Variants in ESPL1 observed in about 807,000 individuals in gnomAD.
The protein encoded by ESPL1 is extra spindle pole bodies like 1, separase, also known as separin.
A neutral mutation model predicts 217.2 loss-of-function variants in ESPL1; 50 were observed. That is an observed-to-expected ratio of 0.23 (90% CI 0.18 to 0.29). The LOEUF (loss-of-function observed/expected upper bound fraction) is 0.29. Among genes scored for constraint, ESPL1 ranks in the 10% least tolerant of loss-of-function variants. The pLI is 1.00. For synonymous variants in ESPL1, 994 were observed against 1,081.3 expected (o/e 0.92, Z 1.58); for missense variants, 1,834 against 2,603.0 (o/e 0.70, Z 6.43).
chr12:53,274,610 G>A, intron 6 of ESPL1: 1 of 529,984 alleles, frequency 1.9e-6, no homozygotes, highest in Non-Finnish European at 3.4e-6. Flanking sequence ...GAACATAGGG[G>A]TGGAGTGGAT....
Position 53,277,247 on chromosome 12 carries a change from G to A in ESPL1, c.2085+20G>A. Reference sequence around the variant, plus strand: ...CAGGAAGTGAGTGTGGCTGCTGTGGGGCTCACCAGAACTGGGTGTAGGAAT... The same window carrying A: ...CAGGAAGTGAGTGTGGCTGCTGTGGAGCTCACCAGAACTGGGTGTAGGAAT... On this transcript the variant is annotated intron_variant, in intron 9 of 30. Transcript: ENST00000257934. The A allele has an allele frequency of 6.2e-7, 1 of 1,600,592 alleles. No individual in the cohort carries two copies. The highest frequency in any genetic ancestry group is 1.1e-5 in the South Asian group (1 of 90,634).
At chr12:53,279,898 G>T (rs762480238) in intron 12 of ESPL1, 32 bp downstream of exon 12, 1 of 1,522,850 alleles carries the variant, frequency 6.6e-7, no homozygotes, top group Non-Finnish European at 8.8e-7. Flanking sequence ...TCTGGGGACT[G>T]CAGGGGGCCC....
intron 22 of ESPL1, 35 bp downstream of exon 22, chr12:53,289,629 C>G: frequency 1.3e-6 from 2 of 1,571,930 alleles, no homozygotes; most frequent in Non-Finnish European, 1.7e-6. Context: ...CTCCTCTGTC[C>G]TCTTCTGCAT....
chr12:53,271,324 C>T (rs577781107), intron 5 of ESPL1, among the ~76,000 whole-genome samples: 4 of 151,272 alleles, frequency 2.6e-5, no homozygotes, highest in African/African-American at 7.3e-5. Flanking sequence ...CAGGTTCAAG[C>T]GACTCTCCTG....
Position 53,293,347 on chromosome 12 carries a change from G to A in ESPL1, c.6236G>A (p.Gly2079Asp). The stretch of plus-strand genomic sequence containing the variant: ...CGCTACACGGAAGCTCTGCTGCAAG[G>A]CTGGCTTGGAGCAGGCCCAGGGGCC... Reference protein sequence around the residue: ...IDRYTEALLQGWLGAGPGAPL... With the variant: ...IDRYTEALLQDWLGAGPGAPL... Residue 2079 changes from glycine (G) to aspartate (D), a missense_variant, in exon 31 of 31, where the codon GGC becomes GAC. This residue lies in a region of ESPL1 where 295 missense variants were observed against 519.8 expected (regional missense o/e 0.57). Transcript: ENST00000257934. The surrounding 1 kb of genome is among the most constrained non-coding windows in gnomAD (Gnocchi z 4.2). 1 of 1,614,034 alleles carries A rather than the reference G, an allele frequency of 6.2e-7. No individual in the cohort carries two copies. Among genetic ancestry groups the A allele is most frequent in the Non-Finnish European group, 8.5e-7 (1 of 1,179,904 alleles).
At position 53,276,778 on chromosome 12, in the gene ESPL1, C is replaced by T; in HGVS notation, c.1859C>T (p.Ala620Val). 1 of 1,613,938 alleles carries T rather than the reference C, an allele frequency of 6.2e-7. No individual in the cohort carries two copies. The change falls in exon 8 of 31, where the codon GCC (alanine) becomes GTC (valine). Residue 620 changes from alanine (A) to valine (V), a missense_variant. By Grantham distance (64) the Ala-to-Val change is moderately conservative. Transcript: ENST00000257934. Reference sequence around the variant, plus strand: ...GAGCTGAGCCCCGAGGAGACACCAGCCGGGGCCTGGGCACGAGCCACCCAC... The same window carrying T: ...GAGCTGAGCCCCGAGGAGACACCAGTCGGGGCCTGGGCACGAGCCACCCAC... ...LLELSPEETPAGAWARATHLV... is the reference protein window; with the variant it reads ...LLELSPEETPVGAWARATHLV...
rs1195559676 is a variant in ESPL1, at chr12:53,271,075, AT to A, written c.1369+284del. ...ATGCAACCTTATGACCTTTCAACAT[AT>A]TTTTTTATTTCTATATTTTTTAATG... On this transcript the variant is annotated intron_variant, in intron 5 of 30. Coordinates refer to ENST00000257934, the MANE Select transcript of ESPL1 (RefSeq NM_012291.5). Among the ~76,000 whole-genome samples, 4 of 136,290 alleles carry A rather than the reference AT, an allele frequency of 2.9e-5. No homozygotes were observed. In the East Asian group the frequency reaches 6.8e-4, roughly 23 times the overall value. 89.4% of individuals were successfully genotyped at this position (136,290 alleles called of 152,430 possible).
In ESPL1 at chr12:53,279,921, G is replaced by A. The variant is rs985754877; in HGVS notation, c.2499+55G>A. On this transcript the variant is annotated intron_variant, in intron 12 of 30. Transcript: ENST00000257934. ...CTGCAGGGGGCCCGTAGCTTTAGAG[G>A]CCCACCTCTGAGAAGACAGGATATC... 2.7e-6 allele frequency: 4 copies of A among 1,492,152 alleles called. No homozygotes were observed. In the African/African-American group the frequency reaches 4.3e-5, roughly 16 times the overall value. 92.4% of individuals were successfully genotyped at this position (1,492,152 alleles called of 1,614,324 possible). A position where few individuals can be genotyped will look rare whatever the true frequency, so the allele number is the denominator to read the frequency against.
intron 14 of ESPL1, 42 bp from the exon 15 acceptor site, chr12:53,283,087 T>A: frequency 1.2e-6 from 2 of 1,612,898 alleles, no homozygotes; most frequent in Non-Finnish European, 1.7e-6. Context: ...AGTGGTGAAG[T>A]TCTGGCTGCA....
In ESPL1 at chr12:53,292,322, T is replaced by G; in HGVS notation, c.5841T>G (p.Ser1947Arg). 1.2e-6 allele frequency: 2 copies of G among 1,614,056 alleles called. No individual in the cohort carries two copies. Among genetic ancestry groups the G allele is most frequent in the Non-Finnish European group, 1.7e-6 (2 of 1,179,992 alleles). ...TGAGTCAAGGGGTGGATCCACGAAG[T>G]ACCTTCTATGTCCTGAACCCTCACA... The part of the protein sequence containing the change: ...PVLSQGVDPR[S>R]TFYVLNPHNN... Residue 1947 changes from serine (S) to arginine (R), a missense_variant, in exon 28 of 31, where the codon AGT (serine) becomes AGG (arginine). Around this residue, in one of 5 missense-constraint regions of ESPL1, gnomAD observed 295 missense variants for 519.8 expected, o/e 0.57. Transcript: ENST00000257934. This position sits in a 1 kb window ranked among gnomAD's most constrained non-coding sequence, Gnocchi z 4.5.
At chr12:53,278,008 C>T in intron 11 of ESPL1, 48 bp downstream of exon 11, 1 of 1,577,558 alleles carries the variant, frequency 6.3e-7, no homozygotes, top group Non-Finnish European at 8.6e-7. Context: ...AAGGACTAGA[C>T]CAGAAACAGC....
At chr12:53,283,873 G>A (rs963736276) in intron 16 of ESPL1, among the ~76,000 whole-genome samples, 185 bp from the exon 17 acceptor site, 5 of 152,206 alleles carry the variant, frequency 3.3e-5, no homozygotes, top group Non-Finnish European at 7.3e-5. Context: ...CACAAGGAGA[G>A]TTGGGATTAG....
intron 6 of ESPL1, among the ~76,000 whole-genome samples, chr12:53,273,836 G>GTGTTT (rs1943717551): frequency 1.6e-5 from 1 of 63,154 alleles, no homozygotes; most frequent in African/African-American, 7.8e-5. Flanking sequence ...TGGTTTTTTG[G>GTGTTT]TTTTTTTTTT....
chr12:53,282,532 G>A lies in ESPL1; in HGVS notation c.2791+97G>A. 1 of 1,172,328 alleles carries A rather than the reference G, an allele frequency of 8.5e-7. No individual in the cohort carries two copies. The highest frequency in any genetic ancestry group is 1.2e-6 in the Non-Finnish European group (1 of 814,360). 72.6% of individuals were successfully genotyped at this position (1,172,328 alleles called of 1,614,324 possible). On this transcript the variant is annotated intron_variant, in intron 14 of 30. Coordinates refer to ENST00000257934, the MANE Select transcript of ESPL1 (RefSeq NM_012291.5). The surrounding 1 kb of genome is among the most constrained non-coding windows in gnomAD (Gnocchi z 4.0). The stretch of plus-strand genomic sequence containing the variant: ...CTCATCCCCTCTGCTGGCTAACTAT[G>A]TGGCCCAGCCTACCTAGAACCTGCA...
At chr12:53,278,911 A>G (rs1943817310) in intron 11 of ESPL1, among the ~76,000 whole-genome samples, 1 of 145,474 alleles carries the variant, frequency 6.9e-6, no homozygotes, top group African/African-American at 2.6e-5. Context: ...CCGCCGAGAT[A>G]GAGTCTTGCT....
At chr12:53,284,978 T>C (rs1943920974) in intron 17 of ESPL1, among the ~76,000 whole-genome samples, 1 of 128,320 alleles carries the variant, frequency 7.8e-6, no homozygotes, top group Non-Finnish European at 1.6e-5. Flanking sequence ...ACCATTGCAC[T>C]CCAGCCCGGG....
chr12:53,273,285 C>T (rs935915655), intron 6 of ESPL1, among the ~76,000 whole-genome samples: 5 of 151,240 alleles, frequency 3.3e-5, no homozygotes, highest in South Asian at 2.1e-4. Context: ...TCAGGTGATC[C>T]GCCTGCCTCA....
chr12:53,288,738 G>T (rs1308938846), intron 20 of ESPL1, 39 bp downstream of exon 20: 1 of 1,569,262 alleles, frequency 6.4e-7, no homozygotes, highest in Non-Finnish European at 8.7e-7. Context: ...CTTGGAGAGG[G>T]CTGAGCCTCT....
At position 53,286,511 on chromosome 12, in the gene ESPL1, C is replaced by A. The variant is rs778541676; in HGVS notation, c.3775C>A (p.Pro1259Thr). The change falls in exon 18 of 31, where the codon CCC becomes ACC. Residue 1259 changes from proline (P) to threonine (T), a missense_variant. This residue lies in a region of ESPL1 where 681 missense variants were observed against 808.0 expected (regional missense o/e 0.84). Transcript: ENST00000257934. This position sits in a 1 kb window ranked among gnomAD's most constrained non-coding sequence, Gnocchi z 5.3. ...GCTGAAGTTTGTAGCAGCACGGATA[C>A]CCCACCTAGAGCCCTGGCGAGCCAG... ...SGLKFVAARI[P>T]HLEPWRASLL... is the part of the protein sequence containing the mutation. 6.2e-7 allele frequency: 1 copy of A among 1,614,218 alleles called. No homozygotes were observed. Among genetic ancestry groups the A allele is most frequent in the South Asian group, 1.1e-5 (1 of 91,088 alleles).
Sources: allele counts gnomAD v4.1 joint callset (sites outside exome capture counted in the v4.1 genomes callset), GRCh38; gene constraint gnomAD v4.1.1; regional missense constraint gnomAD v4.1.1; non-coding constraint Gnocchi (gnomAD v3.1); transcripts MANE v1.5; gene names NCBI Gene and HGNC (gene_info 2026-07-23, HGNC 2026-07-21).